The following PDE3B variants were observed in gnomAD, a reference collection of about 807,000 sequenced individuals.
PDE3B encodes the protein cGMP-inhibited 3',5'-cyclic phosphodiesterase 3B.
A neutral mutation model predicts 116.8 loss-of-function variants in PDE3B; 66 were observed. That is an observed-to-expected ratio of 0.56 (90% CI 0.46 to 0.69). The LOEUF is 0.69. Among genes scored for constraint, PDE3B ranks in the 30% least tolerant of loss-of-function variants. The pLI, the probability that PDE3B is intolerant of heterozygous loss-of-function variation, is 0.00. For synonymous variants in PDE3B, 595 were observed against 533.6 expected, an observed-to-expected ratio of 1.12 and a Z score of -1.59; for missense variants, 1,384 against 1,368.1, an observed-to-expected ratio of 1.01 and a Z score of -0.18.
At chr11:14,883,180 CTACTT>C in the PDE3B span, among the ~76,000 whole-genome samples, 3 of 151,856 alleles carry the variant, frequency 2.0e-5, no homozygotes, top group African/African-American at 7.2e-5. Context: ...TTGGAAAAAA[CTACTT>C]TAAAGTTCAT....
In PDE3B at chr11:14,737,531, C is replaced by T. The variant is rs141642994; in HGVS notation, c.979-34406C>T. Among the ~76,000 whole-genome samples the T allele has an allele frequency of 2.3e-3, 355 of 152,256 alleles. 2 individuals carry two copies. Among genetic ancestry groups the T allele is most frequent in the African/African-American group, 8.3e-3 (343 of 41,548 alleles). Reference sequence around the variant, plus strand: ...CCTTCTTTAATCAAACTTGTAGCTCCGTGAAATGAAACAGCTAATGTGCAA... The same window carrying T: ...CCTTCTTTAATCAAACTTGTAGCTCTGTGAAATGAAACAGCTAATGTGCAA... On this transcript the variant is annotated intron_variant, in intron 1 of 15. Coordinates refer to ENST00000282096, the MANE Select transcript of PDE3B (RefSeq NM_000922.4).
intron 1 of PDE3B, among the ~76,000 whole-genome samples, chr11:14,740,697 G>A (rs1338469656): frequency 6.6e-6 from 1 of 152,154 alleles, no homozygotes; most frequent in Non-Finnish European, 1.5e-5. Context: ...TGATGTTAGT[G>A]CATCGATTGT....
the PDE3B span, chr11:14,892,125 G>A: frequency 5.0e-6 from 8 of 1,611,544 alleles, no homozygotes; most frequent in Non-Finnish European, 6.8e-6. Flanking sequence ...GCAGCTGGCG[G>A]ACCCCTAGCG....
intron 4 of PDE3B, among the ~76,000 whole-genome samples, chr11:14,802,784 C>T (rs547311276): frequency 6.6e-6 from 1 of 152,170 alleles, no homozygotes; most frequent in Admixed American, 6.5e-5. Context: ...CCAGGAAACA[C>T]AGACTCCAAG....
chr11:14,869,663 A>G lies in PDE3B; in HGVS notation c.*3A>G. On this transcript the variant is annotated 3_prime_UTR_variant, in exon 16 of 16. Transcript: ENST00000282096. ...AAGAGGCAGATGAAGAGGAATAGCG[A>G]CAGTTTGAGTAAAAGAAAAGTCATA... 6.2e-7 allele frequency: 1 copy of G among 1,612,098 alleles called. No individual in the cohort carries two copies. The highest frequency in any genetic ancestry group is 8.5e-7 in the Non-Finnish European group (1 of 1,178,948).
chr11:14,810,884 A>C (rs1001055577), intron 5 of PDE3B, among the ~76,000 whole-genome samples: 33 of 145,784 alleles, frequency 2.3e-4, no homozygotes, highest in Non-Finnish European at 4.6e-4. Flanking sequence ...ATGGTATCTC[A>C]TTGTGGTTTT....
At chr11:14,725,712 T>C (rs1386074409) in intron 1 of PDE3B, among the ~76,000 whole-genome samples, 7 of 149,862 alleles carry the variant, frequency 4.7e-5, no homozygotes, top group Non-Finnish European at 1.0e-4. Context: ...ACATTTGTGC[T>C]CAATATGATT....
chr11:14,798,674 T>C (rs1039248395), intron 4 of PDE3B, among the ~76,000 whole-genome samples: 1 of 152,258 alleles, frequency 6.6e-6, no homozygotes, highest in Non-Finnish European at 1.5e-5. Context: ...GGTGTGTGTG[T>C]CCACGAATTT....
intron 1 of PDE3B, among the ~76,000 whole-genome samples, chr11:14,731,577 C>A (rs925226863): frequency 6.6e-6 from 1 of 151,898 alleles, no homozygotes; most frequent in African/African-American, 2.4e-5. Flanking sequence ...ATTTTTTAAC[C>A]TTACAACACC....
At chr11:14,782,340 T>C (rs990268953) in intron 2 of PDE3B, among the ~76,000 whole-genome samples, 1 of 152,180 alleles carries the variant, frequency 6.6e-6, no homozygotes, top group East Asian at 1.9e-4. Flanking sequence ...GGAGGCATCA[T>C]GCTATCTGAC....
chr11:14,674,003 G>T, intron 1 of PDE3B: 1 of 1,394,302 alleles, frequency 7.2e-7, no homozygotes, highest in Non-Finnish European at 1.0e-6. Context: ...TTCTTGGCAG[G>T]AAGTTAAAAG....
chr11:14,769,596 G>GATATAT (rs3059191), intron 1 of PDE3B, among the ~76,000 whole-genome samples: 76 of 141,562 alleles, frequency 5.4e-4, no homozygotes, highest in African/African-American at 1.9e-3. Context: ...CGAATCCAGG[G>GATATAT]ATATATATAT....
intron 2 of PDE3B, among the ~76,000 whole-genome samples, chr11:14,783,627 A>AG (rs924412913): frequency 2.6e-5 from 4 of 151,848 alleles, no homozygotes; most frequent in African/African-American, 9.7e-5. Flanking sequence ...GGGAGTGGGG[A>AG]GGGATAGCTA....
intron 8 of PDE3B, 36 bp downstream of exon 8, chr11:14,830,882 T>A: frequency 7.3e-7 from 1 of 1,367,294 alleles, no homozygotes; most frequent in Middle Eastern, 1.9e-4. Flanking sequence ...TATGTTAAGG[T>A]GAAATATAAT....
the PDE3B span, among the ~76,000 whole-genome samples, chr11:14,898,862 C>G: frequency 6.6e-6 from 1 of 151,984 alleles, no homozygotes; most frequent in Non-Finnish European, 1.5e-5. Context: ...AGCCACCCTA[C>G]TAAACACTAT....
chr11:14,767,963 A>G (rs904876226), intron 1 of PDE3B, among the ~76,000 whole-genome samples: 2 of 151,206 alleles, frequency 1.3e-5, no homozygotes, highest in Admixed American at 1.3e-4. Context: ...CAGTATTTTC[A>G]TTAAGTATTT....
intron 5 of PDE3B, among the ~76,000 whole-genome samples, chr11:14,808,172 A>G (rs1439176624): frequency 2.0e-5 from 3 of 152,162 alleles, no homozygotes; most frequent in Non-Finnish European, 4.4e-5. Flanking sequence ...ATAATCAAAA[A>G]CTTAAGAGAA....
At chr11:14,756,949 C>T (rs2133882225) in intron 1 of PDE3B, among the ~76,000 whole-genome samples, 1 of 109,830 alleles carries the variant, frequency 9.1e-6, no homozygotes, top group South Asian at 4.1e-4. Flanking sequence ...CTATCCCTCC[C>T]CCCTCCCCCC....
intron 1 of PDE3B, among the ~76,000 whole-genome samples, chr11:14,651,734 G>A (rs1853580103): frequency 6.6e-6 from 1 of 152,146 alleles, no homozygotes; most frequent in Non-Finnish European, 1.5e-5. Context: ...TGGATATCCA[G>A]TCATGCCAAC....
Sources: gnomAD v4.1 joint callset for allele counts (sites outside exome capture counted in the v4.1 genomes callset) on GRCh38, gnomAD v4.1.1 for gene constraint, MANE v1.5 for transcripts, NCBI Gene and HGNC (gene_info 2026-07-23, HGNC 2026-07-21) for gene names.